Variants in ZNF618 observed in about 807,000 individuals in gnomAD.
The protein encoded by ZNF618 is neural precursor cell expressed, developmentally down-regulated 10.
A neutral mutation model predicts 103.0 loss-of-function variants in ZNF618; 34 were observed. That is an observed-to-expected ratio of 0.33 (90% CI 0.25 to 0.44). The LOEUF is 0.44. Among genes scored for constraint, ZNF618 ranks in the 20% least tolerant of loss-of-function variants. ZNF618 has a pLI of 1.00. For missense variants in ZNF618, 1,059 were observed against 1,295.4 expected, an observed-to-expected ratio of 0.82 and a Z score of 2.80; for synonymous variants, 551 against 542.2, an observed-to-expected ratio of 1.02 and a Z score of -0.23.
intron 1 of ZNF618, among the ~76,000 whole-genome samples, chr9:113,954,260 A>G (rs1836040839): frequency 6.6e-6 from 1 of 152,094 alleles, no homozygotes; most frequent in South Asian, 2.1e-4. Flanking sequence ...TCTGATCGTC[A>G]TCCCTATAGG....
At chr9:114,034,092 C>G (rs1481073650) in intron 12 of ZNF618, among the ~76,000 whole-genome samples, 3 of 152,186 alleles carry the variant, frequency 2.0e-5, no homozygotes, top group Non-Finnish European at 4.4e-5. Context: ...TGGTTGTGAA[C>G]ATTCAGTGAG....
intron 1 of ZNF618, among the ~76,000 whole-genome samples, chr9:113,936,929 C>A (rs528574908): frequency 6.6e-6 from 1 of 151,740 alleles, no homozygotes; most frequent in Admixed American, 6.6e-5. Context: ...TGTTTTTTTA[C>A]TATATCTGAT....
intron 1 of ZNF618, among the ~76,000 whole-genome samples, chr9:113,924,718 G>A (rs1235003823): frequency 1.3e-5 from 2 of 151,602 alleles, no homozygotes; most frequent in African/African-American, 2.4e-5. Flanking sequence ...GTTGATAATT[G>A]TATTTTCATT....
chr9:113,939,510 A>G (rs1225758485), intron 1 of ZNF618, among the ~76,000 whole-genome samples: 2 of 152,196 alleles, frequency 1.3e-5, no homozygotes, highest in African/African-American at 2.4e-5. Flanking sequence ...CTTTGTAACA[A>G]GAATTGGAAT....
At chr9:113,922,477 G>GTTTTTTTTTT (rs71367740) in intron 1 of ZNF618, among the ~76,000 whole-genome samples, 1 of 132,974 alleles carries the variant, frequency 7.5e-6, no homozygotes, top group African/African-American at 2.8e-5. Context: ...GTTTTGGTTT[G>GTTTTTTTTTT]TTTTTTTTTT....
In ZNF618 at chr9:113,988,465, G is replaced by A; in HGVS notation, c.222G>A (p.Val74=). The A allele has an allele frequency of 6.2e-7, 1 of 1,613,616 alleles. No individual in the cohort carries two copies. The highest frequency in any genetic ancestry group is 8.5e-7 in the Non-Finnish European group (1 of 1,179,900). ...TGCCCGATGACTACATCCAGGAGGT[G>A]ATCTGGCAGGGCGAGGCCAAGGAGG... ...TELPDDYIQE[V]IWQGEAKEEK... Residue 74 remains valine, a synonymous_variant, in exon 3 of 15, where the codon GTG becomes GTA. Transcript: ENST00000374126.
chr9:113,907,332 C>T (rs970748583), intron 1 of ZNF618, among the ~76,000 whole-genome samples: 1 of 152,234 alleles, frequency 6.6e-6, no homozygotes, highest in African/African-American at 2.4e-5. Flanking sequence ...GCCTCTAGAG[C>T]AAGCTCACCC....
At chr9:113,941,562 G>T (rs977289162) in intron 1 of ZNF618, among the ~76,000 whole-genome samples, 1 of 152,122 alleles carries the variant, frequency 6.6e-6, no homozygotes, top group Non-Finnish European at 1.5e-5. Flanking sequence ...TGATGAGTTG[G>T]TTTGCATTTG....
intron 1 of ZNF618, among the ~76,000 whole-genome samples, chr9:113,905,585 G>T (rs1018369168): frequency 6.6e-6 from 1 of 152,180 alleles, no homozygotes; most frequent in Non-Finnish European, 1.5e-5. Flanking sequence ...GGAGTCTACA[G>T]TCAAAGTGAA....
intron 1 of ZNF618, among the ~76,000 whole-genome samples, chr9:113,943,701 G>A (rs1456702963): frequency 6.6e-6 from 1 of 151,878 alleles, no homozygotes; most frequent in Non-Finnish European, 1.5e-5. Flanking sequence ...AAACCCGAAA[G>A]TCCCACTCCG....
chr9:113,961,700 G>A (rs1206345483), intron 1 of ZNF618, among the ~76,000 whole-genome samples: 1 of 152,210 alleles, frequency 6.6e-6, no homozygotes, highest in Non-Finnish European at 1.5e-5. Context: ...ACTAATTAGA[G>A]AATTTATCAT....
At chr9:113,923,416 T>G (rs1832816944) in intron 1 of ZNF618, among the ~76,000 whole-genome samples, 1 of 152,178 alleles carries the variant, frequency 6.6e-6, no homozygotes. Context: ...AAATATGATG[T>G]TAGCTGTAGG....
intron 1 of ZNF618, among the ~76,000 whole-genome samples, chr9:113,965,490 C>T (rs1837312303): frequency 6.6e-6 from 1 of 152,058 alleles, no homozygotes; most frequent in Non-Finnish European, 1.5e-5. Flanking sequence ...GACAGGCACC[C>T]TTATTCGGGG....
At chr9:114,024,372 T>C (rs576205023) in intron 10 of ZNF618, among the ~76,000 whole-genome samples, 1 of 152,374 alleles carries the variant, frequency 6.6e-6, no homozygotes, top group South Asian at 2.1e-4. Context: ...TCTTGATTAC[T>C]GGTCACATTT....
intron 6 of ZNF618, among the ~76,000 whole-genome samples, chr9:114,005,087 A>G (rs547982197): frequency 6.6e-6 from 1 of 152,278 alleles, no homozygotes; most frequent in Admixed American, 6.5e-5. Flanking sequence ...TTATAACTAT[A>G]GGAAATGAAG....
intron 11 of ZNF618, among the ~76,000 whole-genome samples, chr9:114,031,861 G>A (rs1483187491): frequency 6.6e-6 from 1 of 151,846 alleles, no homozygotes; most frequent in Non-Finnish European, 1.5e-5. Context: ...CCTTGGAAAA[G>A]CTGGGCTGTC....
At chr9:114,000,890 C>G (rs1157270014) in intron 4 of ZNF618, among the ~76,000 whole-genome samples, 2 of 152,246 alleles carry the variant, frequency 1.3e-5, no homozygotes, top group Admixed American at 1.3e-4. Context: ...GTCTGCCTCT[C>G]CCATCCCCAG....
chr9:113,993,165 G>A (rs751074687), intron 3 of ZNF618, among the ~76,000 whole-genome samples: 1 of 152,202 alleles, frequency 6.6e-6, no homozygotes, highest in Non-Finnish European at 1.5e-5. Context: ...GACCACACTT[G>A]AGGTTTCAGG....
intron 1 of ZNF618, among the ~76,000 whole-genome samples, chr9:113,882,589 A>G (rs890697092): frequency 6.6e-6 from 1 of 151,740 alleles, no homozygotes; most frequent in Admixed American, 6.6e-5. Context: ...GAGAATGTAC[A>G]CTCTTGGCTG....
Sources: gnomAD v4.1 joint callset for allele counts (sites outside exome capture counted in the v4.1 genomes callset) on GRCh38, gnomAD v4.1.1 for gene constraint, MANE v1.5 for transcripts, NCBI Gene and HGNC (gene_info 2026-07-23, HGNC 2026-07-21) for gene names.